Variants in COL2A1 observed in about 807,000 individuals in gnomAD.
COL2A1 encodes the protein collagen alpha-1(II) chain.
In COL2A1, 28 loss-of-function variants were observed where a neutral mutation model predicts 204.5. That is an observed-to-expected ratio of 0.14 (90% CI 0.10 to 0.19). COL2A1 has a LOEUF of 0.19. Among genes scored for constraint, COL2A1 ranks in the 10% least tolerant of loss-of-function variants. The pLI is 1.00. For synonymous variants in COL2A1, 708 were observed against 718.7 expected, an observed-to-expected ratio of 0.99 and a Z score of 0.24; for missense variants, 1,388 against 2,027.5, an observed-to-expected ratio of 0.68 and a Z score of 6.06.
Position 47,994,621 on chromosome 12 carries a change from T to G in COL2A1, c.763-144A>C, listed in dbSNP as rs568057139. 6.1e-6 allele frequency: 5 copies of G among 818,454 alleles called. No individual in the cohort carries two copies. The South Asian group carries it at 7.2e-5, about 12-fold the overall frequency. 50.7% of individuals were successfully genotyped at this position (818,454 alleles called of 1,614,324 possible). A position where few individuals can be genotyped will look rare whatever the true frequency, so the allele number is the denominator to read the frequency against. ...TCCCTCACCTCCTTCAGACTCCACG[T>G]GCCTGGATGCCTTTCATGGGTCACC... On this transcript the variant is annotated intron_variant, in intron 11 of 53. Coordinates refer to ENST00000380518, the MANE Select transcript of COL2A1 (RefSeq NM_001844.5).
rs745914556 is a variant in COL2A1 at position 47,987,866 on chromosome 12, G to A, written c.1123-157C>T. ...ACATGTGCGTTCACACACAGTTCAC[G>A]CTGCCGTTTTTCTCCCTGCCTGACC... On this transcript the variant is annotated intron_variant, in intron 18 of 53. Coordinates refer to ENST00000380518, the MANE Select transcript of COL2A1 (RefSeq NM_001844.5). This position sits in a 1 kb window ranked among gnomAD's most constrained non-coding sequence, Gnocchi z 4.1. Among the ~76,000 whole-genome samples the A allele has an allele frequency of 6.6e-6, 1 of 152,114 alleles. No individual in the cohort carries two copies.
Position 47,984,588 on chromosome 12 carries a change from G to T in COL2A1, c.1845C>A (p.Gly615=). The change falls in exon 28 of 54, where the codon GGC becomes GGA. Residue 615 remains glycine (G), a synonymous_variant. Transcript: ENST00000380518. ...CAGGCAGTCCCTTCTCACCAGCTTT[G>T]CCAGGCTCACCCTGAAGGAAAGAGA... ...PGPKGANGEP[G]KAGEKGLPGA... is the part of the protein sequence containing the mutation. 3 of 1,614,164 alleles carry T rather than the reference G, an allele frequency of 1.9e-6. No individual in the cohort carries two copies. The highest frequency in any genetic ancestry group is 2.5e-6 in the Non-Finnish European group (3 of 1,180,018).
intron 28 of COL2A1, 59 bp from the exon 29 acceptor site, chr12:47,984,199 C>G: frequency 2.6e-6 from 4 of 1,514,828 alleles, no homozygotes; most frequent in Non-Finnish European, 3.6e-6. Flanking sequence ...TTGCAGTCCC[C>G]CTAGGATTGG....
At position 47,982,929 on chromosome 12, in the gene COL2A1, T is replaced by C; in HGVS notation, c.2112A>G (p.Pro704=). The C allele has an allele frequency of 3.1e-6, 5 of 1,613,564 alleles. No individual in the cohort carries two copies. Among genetic ancestry groups the C allele is most frequent in the Non-Finnish European group, 4.2e-6 (5 of 1,179,920 alleles). ...LVGPRGERGF[P]GERGSPGAQG... ...GGGCACCGGGAGAGCCACGTTCACC[T>C]GGGAAACCTCGTTCACCCTGCGGCA... Residue 704 remains proline (P), a synonymous_variant, in exon 33 of 54, where the codon CCA becomes CCG. Coordinates refer to ENST00000380518, the MANE Select transcript of COL2A1 (RefSeq NM_001844.5).
intron 1 of COL2A1, among the ~76,000 whole-genome samples, chr12:48,002,088 G>A (rs112734949): frequency 2.4e-4 from 37 of 152,260 alleles, no homozygotes; most frequent in African/African-American, 7.7e-4. Flanking sequence ...CTTTTCTCGA[G>A]CGCACACAGA....
At chr12:47,984,805 C>A (rs1012047074) in intron 27 of COL2A1, among the ~76,000 whole-genome samples, 190 bp downstream of exon 27, 3 of 152,336 alleles carry the variant, frequency 2.0e-5, no homozygotes, top group South Asian at 2.1e-4. Context: ...GGCCGCAATG[C>A]CCCGAGGCTC....
chr12:47,994,311 C>T (rs1939844718), intron 12 of COL2A1, 113 bp downstream of exon 12: 2 of 1,144,512 alleles, frequency 1.7e-6, no homozygotes, highest in Non-Finnish European at 1.3e-6. Context: ...AATATAGGGG[C>T]TACTGGCGTT....
In COL2A1 at chr12:47,980,459, C is replaced by G; in HGVS notation, c.2625+95G>C. ...CAACATGGGGGTGTTCCCAGGCCTG[C>G]GAACCATCCTCTGCGCAGCCTGCTG... On this transcript the variant is annotated intron_variant, in intron 39 of 53. Transcript: ENST00000380518. The surrounding 1 kb of genome is among the most constrained non-coding windows in gnomAD (Gnocchi z 4.5). 3.4e-6 allele frequency: 4 copies of G among 1,163,510 alleles called. No individual in the cohort carries two copies. Among genetic ancestry groups the G allele is most frequent in the African/African-American group, 1.5e-5 (1 of 65,748 alleles). The allele number at this position is 1,163,510 out of a possible 1,614,324, so 72.1% of individuals were successfully genotyped here. A position where few individuals can be genotyped will look rare whatever the true frequency, so the allele number is the denominator to read the frequency against.
At position 47,978,114 on chromosome 12, in the gene COL2A1, C is replaced by T. The variant is rs376772481; in HGVS notation, c.3007G>A (p.Glu1003Lys). ...CCAGGAGCACCCTGCTTGCCGGGCT[C>T]ACCCTGGAGGGACAGAGACAAGGAT... ...GFPGLPGPSG[E>K]PGKQGAPGAS... is the part of the protein sequence containing the mutation. The change falls in exon 44 of 54, where the codon GAG (glutamate) becomes AAG (lysine). Residue 1003 changes from glutamate to lysine, a missense_variant. Glu to Lys is a moderately conservative substitution (Grantham distance 56). This residue lies in a region of COL2A1 where 884 missense variants were observed against 1,415.8 expected (regional missense o/e 0.62). Coordinates refer to ENST00000380518, the MANE Select transcript of COL2A1 (RefSeq NM_001844.5). The surrounding 1 kb of genome is among the most constrained non-coding windows in gnomAD (Gnocchi z 5.5). The T allele has an allele frequency of 7.8e-5, 126 of 1,612,560 alleles. No homozygotes were observed. The highest frequency in any genetic ancestry group is 9.6e-5 in the Non-Finnish European group (113 of 1,179,536).
intron 8 of COL2A1, among the ~76,000 whole-genome samples, chr12:47,996,286 A>G (rs777214772): frequency 2.8e-4 from 42 of 152,220 alleles, no homozygotes; most frequent in Admixed American, 2.7e-3. Flanking sequence ...TCCAAGAGCA[A>G]TAGCAACTGG....
At chr12:47,984,060 A>C (rs2136558667) in intron 29 of COL2A1, 27 bp downstream of exon 29, 1 of 1,598,942 alleles carries the variant, frequency 6.3e-7, no homozygotes, top group Non-Finnish European at 8.5e-7. Flanking sequence ...CCCCAGGGCC[A>C]CCTGGGGAGG....
intron 18 of COL2A1, 144 bp downstream of exon 18, chr12:47,989,084 A>T: frequency 1.4e-6 from 1 of 726,380 alleles, no homozygotes. Flanking sequence ...CCCTGCCTGG[A>T]TGGAGGGGCC....
chr12:47,992,734 T>C, intron 16 of COL2A1, 144 bp downstream of exon 16: 1 of 857,130 alleles, frequency 1.2e-6, no homozygotes, highest in Non-Finnish European at 1.9e-6. Flanking sequence ...CTGGGAAGTT[T>C]TGATGGGCAC....
rs1939899002 is a variant in COL2A1, at chr12:47,995,276, G to T, written c.741C>A (p.Pro247=). The change falls in exon 11 of 54, where the codon CCC becomes CCA. Residue 247 remains proline, a synonymous_variant. Coordinates refer to ENST00000380518, the MANE Select transcript of COL2A1 (RefSeq NM_001844.5). ...GPMGPRGPPG[P]PGKPGDDGEA... is the part of the protein sequence containing the mutation. ...TCACATCATCACCAGGCTTTCCAGG[G>T]GGACCAGGAGGACCACGGGGACCCA... is the stretch of plus-strand genomic sequence containing the variant. 6.2e-7 allele frequency: 1 copy of T among 1,613,480 alleles called. No individual in the cohort carries two copies. Among genetic ancestry groups the T allele is most frequent in the South Asian group, 1.1e-5 (1 of 91,078 alleles).
intron 16 of COL2A1, among the ~76,000 whole-genome samples, chr12:47,992,634 C>T (rs1439184440): frequency 2.0e-5 from 3 of 152,144 alleles, no homozygotes; most frequent in Non-Finnish European, 4.4e-5. Context: ...GAAGGGATTA[C>T]CTGATAATCT....
rs891258765 is a variant in COL2A1 at position 47,997,721 on chromosome 12, G to A, written c.430-14C>T. On this transcript the variant is annotated splice_polypyrimidine_tract_variant and intron_variant, in intron 6 of 53. Coordinates refer to ENST00000380518, the MANE Select transcript of COL2A1 (RefSeq NM_001844.5). ...TCCAGGGGCACCCTTGGCATAAAGA[G>A]AAAAAGGCATCAATGGGAAGCAGTG... The A allele has an allele frequency of 3.1e-6, 5 of 1,614,018 alleles. No homozygotes were observed. The African/African-American group carries it at 6.7e-5, about 22-fold the overall frequency.
chr12:47,992,994 T>G, intron 15 of COL2A1, 63 bp from the exon 16 acceptor site: 1 of 1,515,436 alleles, frequency 6.6e-7, no homozygotes, highest in Non-Finnish European at 9.2e-7. Context: ...GGTGACCATT[T>G]CTACCTGCAG....
chr12:47,975,032 C>G (rs1271438274), intron 51 of COL2A1, among the ~76,000 whole-genome samples, 170 bp from the exon 52 acceptor site: 14 of 152,326 alleles, frequency 9.2e-5, no homozygotes, highest in Non-Finnish European at 2.1e-4. Context: ...GCAGGGAGAT[C>G]TGCATGAGCT....
intron 16 of COL2A1, among the ~76,000 whole-genome samples, chr12:47,991,520 C>T (rs1037496058): frequency 6.6e-6 from 1 of 152,066 alleles, no homozygotes; most frequent in Non-Finnish European, 1.5e-5. Flanking sequence ...GCAGAGGCCT[C>T]GCAGAGCAGA....
Sources: gnomAD v4.1 joint callset for allele counts (sites outside exome capture counted in the v4.1 genomes callset) on GRCh38, gnomAD v4.1.1 for gene constraint, gnomAD v4.1.1 regional missense constraint, Gnocchi (gnomAD v3.1) non-coding constraint, MANE v1.5 for transcripts, NCBI Gene and HGNC (gene_info 2026-07-23, HGNC 2026-07-21) for gene names.